Variants in KLHL22 observed in about 807,000 individuals in gnomAD.
The protein encoded by KLHL22 is kelch-like protein 22.
In KLHL22, 18 loss-of-function variants were observed where a neutral mutation model predicts 60.7. The observed-to-expected ratio is 0.30, with a 90% CI of 0.20 to 0.44. The LOEUF (loss-of-function observed/expected upper bound fraction) is 0.44, where lower values mean the gene tolerates loss of function less well. Ranked by LOEUF, KLHL22 falls within the 20% of genes least tolerant of loss-of-function variation. KLHL22 has a pLI of 1.00. For missense variants in KLHL22, 596 were observed against 852.3 expected (o/e 0.70, Z 3.74); for synonymous variants, 355 against 354.5 (o/e 1.00, Z -0.01).
intron 2 of KLHL22, chr22:20,483,242 C>T: frequency 1.4e-6 from 1 of 691,564 alleles, no homozygotes; most frequent in South Asian, 1.4e-5. Flanking sequence ...GCAGTTCCAA[C>T]CTCAGTGGAC....
At position 20,442,420 on chromosome 22, in the gene KLHL22, T is replaced by A; in HGVS notation, c.1558A>T (p.Thr520Ser). 1.3e-6 allele frequency: 2 copies of A among 1,598,642 alleles called. No homozygotes were observed. The highest frequency in any genetic ancestry group is 1.7e-6 in the Non-Finnish European group (2 of 1,170,412). Residue 520 changes from threonine (T) to serine (S), a missense_variant, in exon 7 of 7, where the codon ACG becomes TCG. Physicochemically the swap from Thr to Ser is moderately conservative, Grantham distance 58. Transcript: ENST00000328879. ...DVHQVACYSC[T>S]SGQWSSVCPL... ...CAGACAGATGACCACTGTCCAGACG[T>A]GCAGCTGTAGCAGGCCACCTGCAAA...
intron 5 of KLHL22, among the ~76,000 whole-genome samples, chr22:20,447,874 G>A (rs1310725190): frequency 1.3e-5 from 2 of 152,122 alleles, no homozygotes; most frequent in African/African-American, 4.8e-5. Flanking sequence ...TTTTCATTTT[G>A]AGATAAGTGT....
intron 3 of KLHL22, among the ~76,000 whole-genome samples, chr22:20,469,872 G>A (rs2053287060): frequency 6.6e-6 from 1 of 151,978 alleles, no homozygotes; most frequent in Non-Finnish European, 1.5e-5. Context: ...AAGAAATGTG[G>A]GAAGAGGTGA....
chr22:20,442,499 C>T, intron 6 of KLHL22, 61 bp from the exon 7 acceptor site: 1 of 1,502,428 alleles, frequency 6.7e-7, no homozygotes, highest in South Asian at 1.3e-5. Flanking sequence ...CCAGCTCCCC[C>T]ACAAGCCCAC....
Position 20,490,122 on chromosome 22 carries a change from C to A in KLHL22, c.-33-878G>T, listed in dbSNP as rs541035479. ...CCAGTCCCACACTGTGAGGCATGGCCAAGCTGCAGGCTCTGTAGGCACAGC... is the reference window on the plus strand; with the variant it reads ...CCAGTCCCACACTGTGAGGCATGGCAAAGCTGCAGGCTCTGTAGGCACAGC... On this transcript the variant is annotated intron_variant, in intron 1 of 6. Coordinates refer to ENST00000328879, the MANE Select transcript of KLHL22 (RefSeq NM_032775.4). Among the ~76,000 whole-genome samples, 3 of 152,284 alleles carry A rather than the reference C, an allele frequency of 2.0e-5. No individual in the cohort carries two copies. In the South Asian group the frequency reaches 6.2e-4, roughly 32 times the overall value.
At chr22:20,475,790 C>G (rs2053402505) in intron 2 of KLHL22, among the ~76,000 whole-genome samples, 1 of 152,188 alleles carries the variant, frequency 6.6e-6, no homozygotes, top group Admixed American at 6.5e-5. Context: ...TCTTGAACTC[C>G]TGACCTTGTA....
chr22:20,475,097 A>G (rs949454558), intron 2 of KLHL22: 12 of 151,942 alleles, frequency 7.9e-5, no homozygotes, highest in Non-Finnish European at 1.0e-4. Context: ...TGTCTTATCA[A>G]TTTGAAGAAA....
At chr22:20,471,622 C>G in intron 2 of KLHL22, 107 bp from the exon 3 acceptor site, 1 of 1,234,472 alleles carries the variant, frequency 8.1e-7, no homozygotes, top group Non-Finnish European at 1.2e-6. Context: ...GTGGCAGGGC[C>G]CTGGTAGTGG....
chr22:20,483,665 C>A, intron 2 of KLHL22: 1 of 729,398 alleles, frequency 1.4e-6, no homozygotes, highest in Non-Finnish European at 2.5e-6. Flanking sequence ...AAGATACGGG[C>A]GTTGTCCACA....
At chr22:20,444,694 G>A (rs1042370507) in intron 6 of KLHL22, among the ~76,000 whole-genome samples, 1 of 152,212 alleles carries the variant, frequency 6.6e-6, no homozygotes, top group African/African-American at 2.4e-5. Flanking sequence ...GACACAAGAG[G>A]GGATGATGAA....
chr22:20,468,241 G>T (rs756103120), intron 3 of KLHL22, among the ~76,000 whole-genome samples: 1 of 152,228 alleles, frequency 6.6e-6, no homozygotes, highest in Non-Finnish European at 1.5e-5. Flanking sequence ...GGGTCCTGAA[G>T]ACCAAGTTTT....
Position 20,460,610 on chromosome 22 carries a change from C to CAAAAAAAAAAAAAAAAAAAAAAAAAAAAA in KLHL22, c.1113-2639_1113-2611dup, listed in dbSNP as rs60765839. Among the ~76,000 whole-genome samples, 2 of 9,418 alleles carry CAAAAAAAAAAAAAAAAAAAAAAAAAAAAA rather than the reference C, an allele frequency of 2.1e-4. 1 individual carries two copies. 6.2% of individuals were successfully genotyped at this position (9,418 alleles called of 152,430 possible). A position where few individuals can be genotyped will look rare whatever the true frequency, so the allele number is the denominator to read the frequency against. On this transcript the variant is annotated intron_variant, in intron 4 of 6. Transcript: ENST00000328879. ...GGCGACAGAGTGAAACTCCATCCCC[C>CAAAAAAAAAAAAAAAAAAAAAAAAAAAAA]AAAAAAAAAAAAAAAAAAAAAAAAA...
At chr22:20,466,714 T>G (rs1335498293) in intron 3 of KLHL22, among the ~76,000 whole-genome samples, 1 of 152,210 alleles carries the variant, frequency 6.6e-6, no homozygotes. Flanking sequence ...CAGGCTGCAG[T>G]GCCATGGCAA....
chr22:20,448,994 T>C (rs1220538796), intron 5 of KLHL22, among the ~76,000 whole-genome samples: 1 of 152,232 alleles, frequency 6.6e-6, no homozygotes, highest in Non-Finnish European at 1.5e-5. Context: ...TTGCCATCTA[T>C]ACATCCTCTT....
chr22:20,486,965 G>A (rs1439132736), intron 2 of KLHL22, among the ~76,000 whole-genome samples: 1 of 151,972 alleles, frequency 6.6e-6, no homozygotes, highest in East Asian at 1.9e-4. Flanking sequence ...ATAGGAGTGA[G>A]CCACCAAGCC....
At chr22:20,472,733 A>G (rs1049562809) in intron 2 of KLHL22, among the ~76,000 whole-genome samples, 7 of 152,146 alleles carry the variant, frequency 4.6e-5, no homozygotes, top group Non-Finnish European at 2.9e-5. Context: ...CTCAAAAAAC[A>G]TATATACATA....
At chr22:20,482,985 C>A (rs2053529034) in intron 2 of KLHL22, 1 of 729,634 alleles carries the variant, frequency 1.4e-6, no homozygotes. Context: ...GTGATCTTAG[C>A]CTCCAGCTTG....
intron 2 of KLHL22, among the ~76,000 whole-genome samples, chr22:20,476,655 C>T (rs1187860356): frequency 2.0e-5 from 3 of 150,716 alleles, no homozygotes; most frequent in Admixed American, 1.3e-4. Flanking sequence ...CCTCATGATC[C>T]GCCCGCCTCG....
rs1370823693 is a variant in KLHL22 at position 20,446,685 on chromosome 22, A to G, written c.1306-9T>C. 1 of 1,604,920 alleles carries G rather than the reference A, an allele frequency of 6.2e-7. No homozygotes were observed. The highest frequency in any genetic ancestry group is 1.7e-5 in the Admixed American group (1 of 60,022). On this transcript the variant is annotated splice_polypyrimidine_tract_variant and intron_variant, in intron 5 of 6. Coordinates refer to ENST00000328879, the MANE Select transcript of KLHL22 (RefSeq NM_032775.4). The stretch of plus-strand genomic sequence containing the variant: ...CCTGCGTGGGCATACACCTGTGTGG[A>G]GCCACCAGGAGAAATGGCGTGAGAG...
Sources: allele counts gnomAD v4.1 joint callset (sites outside exome capture counted in the v4.1 genomes callset), GRCh38; gene constraint gnomAD v4.1.1; transcripts MANE v1.5; gene names NCBI Gene and HGNC (gene_info 2026-07-23, HGNC 2026-07-21).